Variants in HEMK2 observed in about 807,000 individuals in gnomAD.
HEMK2 encodes the protein methyltransferase HEMK2.
the HEMK2 span, among the ~76,000 whole-genome samples, chr21:28,862,675 A>G: frequency 6.6e-6 from 1 of 152,150 alleles, no homozygotes; most frequent in East Asian, 1.9e-4. Context: ...AGTCATCAGT[A>G]CCAGCTACGA....
At chr21:28,829,703 G>C in the HEMK2 span, among the ~76,000 whole-genome samples, 20 of 152,196 alleles carry the variant, frequency 1.3e-4, no homozygotes, top group Admixed American at 1.3e-3. Context: ...TGGATTTTAA[G>C]ACATCTGAGT....
chr21:28,706,769 A>T, the HEMK2 span, among the ~76,000 whole-genome samples: 8 of 138,382 alleles, frequency 5.8e-5, no homozygotes, highest in Admixed American at 5.9e-4. Flanking sequence ...GGAATTTCAG[A>T]TACTCACTCT....
chr21:28,831,713 AGG>A, the HEMK2 span, among the ~76,000 whole-genome samples: 58 of 131,958 alleles, frequency 4.4e-4, 1 homozygote, highest in African/African-American at 1.6e-3. Context: ...GAAGGAAGGA[AGG>A]AAGGAAGGAA....
the HEMK2 span, among the ~76,000 whole-genome samples, chr21:28,831,486 A>G: frequency 4.0e-4 from 26 of 65,776 alleles, no homozygotes; most frequent in African/African-American, 2.0e-3. Flanking sequence ...AAAGAAAGAA[A>G]GAAAGAAAGA....
the HEMK2 span, among the ~76,000 whole-genome samples, chr21:28,714,909 G>C: frequency 6.6e-6 from 1 of 152,142 alleles, no homozygotes; most frequent in African/African-American, 2.4e-5. Context: ...TTCTGTTCCT[G>C]TGTTAATTTG....
the HEMK2 span, among the ~76,000 whole-genome samples, chr21:28,813,966 G>A: frequency 3.3e-5 from 5 of 152,064 alleles, no homozygotes; most frequent in Non-Finnish European, 7.4e-5. Flanking sequence ...TGGGTGTGGT[G>A]GCTCACACTT....
At chr21:28,814,804 A>AC in the HEMK2 span, among the ~76,000 whole-genome samples, 3 of 151,688 alleles carry the variant, frequency 2.0e-5, no homozygotes, top group African/African-American at 7.3e-5. Context: ...TAGTTCAACC[A>AC]TGTGGAAGTC....
chr21:28,742,799 TGAA>T, the HEMK2 span, among the ~76,000 whole-genome samples: 1 of 152,130 alleles, frequency 6.6e-6, no homozygotes, highest in East Asian at 1.9e-4. Context: ...CACCAGAATT[TGAA>T]GAAGCCCTAT....
chr21:28,774,812 TGAG>T, the HEMK2 span, among the ~76,000 whole-genome samples: 4 of 152,208 alleles, frequency 2.6e-5, no homozygotes, highest in African/African-American at 7.2e-5. Context: ...TATGTATTCC[TGAG>T]TAGTATGTAG....
At chr21:28,602,680 G>A in the HEMK2 span, among the ~76,000 whole-genome samples, 1 of 152,226 alleles carries the variant, frequency 6.6e-6, no homozygotes, top group African/African-American at 2.4e-5. Context: ...AGACTCCTGA[G>A]CCAATAGAGG....
At chr21:28,600,091 T>C in the HEMK2 span, among the ~76,000 whole-genome samples, 3 of 152,232 alleles carry the variant, frequency 2.0e-5, no homozygotes, top group African/African-American at 4.8e-5. Flanking sequence ...CAGGTGGATC[T>C]ACCATTCTGG....
the HEMK2 span, among the ~76,000 whole-genome samples, chr21:28,603,553 G>A: frequency 1.6e-3 from 169 of 105,718 alleles, 2 homozygotes; most frequent in African/African-American, 6.7e-3. Flanking sequence ...ATATATATGT[G>A]TGTGTGTGTG....
At chr21:28,686,821 T>C in the HEMK2 span, among the ~76,000 whole-genome samples, 4 of 152,328 alleles carry the variant, frequency 2.6e-5, no homozygotes, top group South Asian at 8.3e-4. Context: ...TCCTTAAAAA[T>C]ATCAGGTCAG....
chr21:28,733,902 C>A, the HEMK2 span, among the ~76,000 whole-genome samples: 2,165 of 152,358 alleles, frequency 0.014, 52 homozygotes, highest in African/African-American at 0.05. Flanking sequence ...AGCGCTATTG[C>A]TGATCCTTTT....
the HEMK2 span, among the ~76,000 whole-genome samples, chr21:28,637,206 A>G: frequency 1.3e-5 from 2 of 152,156 alleles, no homozygotes; most frequent in Non-Finnish European, 2.9e-5. Flanking sequence ...CAGAAAGGGT[A>G]TGTGTGTTAT....
chr21:28,718,005 G>A, the HEMK2 span, among the ~76,000 whole-genome samples: 1 of 152,058 alleles, frequency 6.6e-6, no homozygotes, highest in African/African-American at 2.4e-5. Context: ...GCTCTTCTAG[G>A]TACAATCTGA....
the HEMK2 span, among the ~76,000 whole-genome samples, chr21:28,817,985 T>C: frequency 6.6e-6 from 1 of 152,166 alleles, no homozygotes; most frequent in African/African-American, 2.4e-5. Context: ...ACAGATAGTG[T>C]GATGGTTAAT....
chr21:28,720,924 T>C, the HEMK2 span, among the ~76,000 whole-genome samples: 1 of 152,142 alleles, frequency 6.6e-6, no homozygotes, highest in Non-Finnish European at 1.5e-5. Context: ...AATAATCTGG[T>C]AATAATATCA....
At chr21:28,833,795 C>T in the HEMK2 span, among the ~76,000 whole-genome samples, 1 of 152,138 alleles carries the variant, frequency 6.6e-6, no homozygotes, top group Non-Finnish European at 1.5e-5. Flanking sequence ...CAGTGAGTCA[C>T]TAAATTTTTT....
Sources: allele counts gnomAD v4.1 joint callset (sites outside exome capture counted in the v4.1 genomes callset), GRCh38; gene constraint gnomAD v4.1.1; transcripts MANE v1.5; gene names NCBI Gene and HGNC (gene_info 2026-07-23, HGNC 2026-07-21).